The following NADK2 variants were observed in gnomAD, a reference collection of about 807,000 sequenced individuals.
NADK2 encodes NAD kinase domain-containing protein 1, mitochondrial.
Under a neutral mutation model 62.1 loss-of-function variants are expected in NADK2, and 35 were observed. The observed-to-expected ratio is 0.56, with a 90% CI of 0.43 to 0.75. The LOEUF (loss-of-function observed/expected upper bound fraction) is 0.75. Ranked by LOEUF, NADK2 falls within the 30% of genes least tolerant of loss-of-function variation. The probability of loss-of-function intolerance (pLI) is 0.00; values close to 1 mark genes in which losing one functional copy is unlikely to be tolerated. For synonymous variants in NADK2, 205 were observed against 207.9 expected, an observed-to-expected ratio of 0.99 and a Z score of 0.12; for missense variants, 439 against 561.3, an observed-to-expected ratio of 0.78 and a Z score of 2.20.
intron 7 of NADK2, among the ~76,000 whole-genome samples, chr5:36,210,441 A>C (rs1420942815): frequency 3.3e-5 from 5 of 152,234 alleles, no homozygotes; most frequent in Admixed American, 2.6e-4. Context: ...AATAATGGTT[A>C]TAATCTTGAA....
chr5:36,199,773 T>G (rs1370551632), intron 10 of NADK2, among the ~76,000 whole-genome samples: 1 of 151,992 alleles, frequency 6.6e-6, no homozygotes, highest in Non-Finnish European at 1.5e-5. Context: ...ATAAGTATTC[T>G]TTCTCTAACA....
intron 7 of NADK2, 57 bp from the exon 8 acceptor site, chr5:36,207,322 G>C (rs2303163): frequency 1.1e-5 from 14 of 1,325,730 alleles, no homozygotes; most frequent in South Asian, 6.2e-5. Context: ...GTAAATAAGA[G>C]AGTCTTCTTC....
At chr5:36,202,559 TAACTATTCCCCAA>T (rs924213098) in intron 8 of NADK2, among the ~76,000 whole-genome samples, 1 of 152,116 alleles carries the variant, frequency 6.6e-6, no homozygotes, top group African/African-American at 2.4e-5. Context: ...AGAGACAGAA[TAACTATTCCCCAA>T]ACCTGTTTTT....
chr5:36,214,609 T>G (rs1246441859), intron 6 of NADK2, among the ~76,000 whole-genome samples: 1 of 152,226 alleles, frequency 6.6e-6, no homozygotes, highest in African/African-American at 2.4e-5. Context: ...ATTGCTAAAC[T>G]TTATTTCCAG....
At chr5:36,233,333 G>C (rs1747779173) in intron 1 of NADK2, among the ~76,000 whole-genome samples, 1 of 152,136 alleles carries the variant, frequency 6.6e-6, no homozygotes, top group Non-Finnish European at 1.5e-5. Flanking sequence ...CGTCCAAAAT[G>C]CTGAAATCTC....
rs1248276663 is a variant in NADK2 at position 36,194,754 on chromosome 5, T to C, written c.*390A>G. The C allele has an allele frequency of 6.4e-6, 1 of 155,730 alleles. No homozygotes were observed. Among genetic ancestry groups the C allele is most frequent in the African/African-American group, 2.4e-5 (1 of 41,602 alleles). The allele number at this position is 155,730 out of a possible 1,614,324, so 9.6% of individuals were successfully genotyped here. A position where few individuals can be genotyped will look rare whatever the true frequency, so the allele number is the denominator to read the frequency against. On this transcript the variant is annotated 3_prime_UTR_variant, in exon 12 of 12. Transcript: ENST00000381937. ...TAAAAAATATGCACTAATCAAATGA[T>C]ATGTGTTCAGTTCTGACAATCCCAC... is the stretch of plus-strand genomic sequence containing the variant.
At position 36,219,660 on chromosome 5, in the gene NADK2, G is replaced by C. The variant is rs1321511672; in HGVS notation, c.580C>G (p.Leu194Val). Residue 194 changes from leucine (L) to valine (V), a missense_variant, in exon 5 of 12, where the codon CTG becomes GTG. Leu to Val is a conservative substitution (Grantham distance 32, BLOSUM62 1). Coordinates refer to ENST00000381937, the MANE Select transcript of NADK2 (RefSeq NM_001085411.3). Reference protein sequence around the residue: ...DPERSEGHLCLPVRYTHSFPE... With the variant: ...DPERSEGHLCVPVRYTHSFPE... ...AAGGAATGTGTATATCGAACGGGCA[G>C]GCATAAATGACCCTCAGACCTATAT... 6.2e-7 allele frequency: 1 copy of C among 1,613,874 alleles called. No homozygotes were observed. The highest frequency in any genetic ancestry group is 2.2e-5 in the East Asian group (1 of 44,866).
At chr5:36,198,100 C>T (rs7723157) in intron 10 of NADK2, among the ~76,000 whole-genome samples, 74,037 of 151,678 alleles carry the variant, frequency 0.49, 19,164 homozygotes, top group Non-Finnish European at 0.58. Flanking sequence ...AAAATGCAGT[C>T]TCAAACAATG....
In NADK2 at chr5:36,199,108, G is replaced by A. The variant is rs10461964; in HGVS notation, c.1066+1119C>T. On this transcript the variant is annotated intron_variant, in intron 10 of 11. Transcript: ENST00000381937. ...GGAGATATACCTAATGCTAAATGAC[G>A]AGTTAATGGGTGCAGCACACCAACA... is the stretch of plus-strand genomic sequence containing the variant. Among the ~76,000 whole-genome samples the A allele has an allele frequency of 0.012, 1,841 of 151,906 alleles. 154 individuals carry two copies. The East Asian group carries it at 0.21, about 18-fold the overall frequency.
chr5:36,197,537 T>C lies in NADK2; in HGVS notation c.1190+4A>G. 6.2e-7 allele frequency: 1 copy of C among 1,612,272 alleles called. No individual in the cohort carries two copies. The highest frequency in any genetic ancestry group is 8.5e-7 in the Non-Finnish European group (1 of 1,178,778). ...CAGTCAGAAGTCAGATTGAGGATGCTTACTTTGAGGAGAAACAACGCTGAC... is the reference window on the plus strand; with the variant it reads ...CAGTCAGAAGTCAGATTGAGGATGCCTACTTTGAGGAGAAACAACGCTGAC... On this transcript the variant is annotated splice_donor_region_variant and intron_variant, in intron 11 of 11. Coordinates refer to ENST00000381937, the MANE Select transcript of NADK2 (RefSeq NM_001085411.3).
At chr5:36,220,548 T>C (rs1353225587) in intron 4 of NADK2, among the ~76,000 whole-genome samples, 1 of 152,222 alleles carries the variant, frequency 6.6e-6, no homozygotes, top group African/African-American at 2.4e-5. Context: ...AAGTTGTGAA[T>C]AGTCAACTTC....
At position 36,234,599 on chromosome 5, in the gene NADK2, G is replaced by T. The variant is rs4869472; in HGVS notation, c.300+6900C>A. Among the ~76,000 whole-genome samples, 1,848 of 152,180 alleles carry T rather than the reference G, an allele frequency of 0.012. 156 individuals are homozygous for T. In the East Asian group the frequency reaches 0.21, roughly 18 times the overall value. On this transcript the variant is annotated intron_variant, in intron 1 of 11. Transcript: ENST00000381937. ...TATGTATGAGAACAATACACTTAAC[G>T]TCAAGGCAGTGGTTACCTCTGGTGA...
intron 1 of NADK2, among the ~76,000 whole-genome samples, chr5:36,233,369 T>C (rs1747780259): frequency 6.6e-6 from 1 of 152,100 alleles, no homozygotes; most frequent in Admixed American, 6.5e-5. Flanking sequence ...CATCACCCAA[T>C]TCCTATGGAG....
At chr5:36,212,555 C>G (rs980450034) in intron 6 of NADK2, among the ~76,000 whole-genome samples, 5 of 152,090 alleles carry the variant, frequency 3.3e-5, no homozygotes, top group African/African-American at 1.2e-4. Flanking sequence ...CAAAGGATTC[C>G]CAGTGCTTTC....
In NADK2 at chr5:36,205,266, T is replaced by C. The variant is rs1457320909; in HGVS notation, c.956+1904A>G. On this transcript the variant is annotated intron_variant, in intron 8 of 11. Coordinates refer to ENST00000381937, the MANE Select transcript of NADK2 (RefSeq NM_001085411.3). This position sits in a 1 kb window ranked among gnomAD's most constrained non-coding sequence, Gnocchi z 4.1. ...AAAAAGTGTTAGGGAAGGATGAAAA[T>C]GATTAATTCACTGTCTTTATGAAAC... 6.6e-6 allele frequency among the ~76,000 whole-genome samples: 1 copy of C among 151,854 alleles called. No homozygotes were observed. Among genetic ancestry groups the C allele is most frequent in the Non-Finnish European group, 1.5e-5 (1 of 67,956 alleles).
At chr5:36,207,395 A>G in intron 7 of NADK2, 130 bp from the exon 8 acceptor site, 1 of 623,638 alleles carries the variant, frequency 1.6e-6, no homozygotes, top group Non-Finnish European at 2.8e-6. Context: ...GTAGGCACAC[A>G]CATCATGATG....
intron 7 of NADK2, among the ~76,000 whole-genome samples, chr5:36,208,387 AAGT>A (rs1312046612): frequency 2.6e-5 from 4 of 152,106 alleles, no homozygotes; most frequent in African/African-American, 9.6e-5. Context: ...AAATCCATAG[AAGT>A]GGCTGCTACT....
intron 9 of NADK2, 66 bp downstream of exon 9, chr5:36,201,040 G>C: frequency 7.4e-7 from 1 of 1,357,404 alleles, no homozygotes; most frequent in Non-Finnish European, 1.1e-6. Flanking sequence ...AGCATTCACT[G>C]GGGGTTCTGG....
intron 6 of NADK2, among the ~76,000 whole-genome samples, chr5:36,217,433 T>C (rs1421094088): frequency 1.3e-5 from 2 of 151,988 alleles, no homozygotes; most frequent in African/African-American, 2.4e-5. Context: ...TCATTTCATC[T>C]CTACTGCTTT....
Sources: gnomAD v4.1 joint callset for allele counts (sites outside exome capture counted in the v4.1 genomes callset) on GRCh38, gnomAD v4.1.1 for gene constraint, Gnocchi (gnomAD v3.1) non-coding constraint, MANE v1.5 for transcripts, NCBI Gene and HGNC (gene_info 2026-07-23, HGNC 2026-07-21) for gene names.